The following GNB4 variants were observed in gnomAD, a reference collection of about 807,000 sequenced individuals.
The protein encoded by GNB4 is guanine nucleotide-binding protein subunit beta-4.
In GNB4, 28 loss-of-function variants were observed where a neutral mutation model predicts 45.2. The ratio of observed to expected loss-of-function variants is 0.62; its 90% CI spans 0.46 to 0.85. GNB4 has a LOEUF of 0.85. GNB4 is among the 40% of genes least tolerant of loss of function. The pLI, the probability that GNB4 is intolerant of heterozygous loss-of-function variation, is 0.00. For missense variants in GNB4, 321 were observed against 425.4 expected (o/e 0.75, Z 2.16); for synonymous variants, 132 against 143.7 (o/e 0.92, Z 0.58).
rs115147370 is a variant in GNB4 at position 179,423,812 on chromosome 3, G to C, written c.57+2332C>G. 6.5e-3 allele frequency among the ~76,000 whole-genome samples: 992 copies of C among 151,660 alleles called. 12 individuals carry two copies. The highest frequency in any genetic ancestry group is 0.023 in the African/African-American group (941 of 41,352). On this transcript the variant is annotated intron_variant, in intron 2 of 9. Coordinates refer to ENST00000232564, the MANE Select transcript of GNB4 (RefSeq NM_021629.4). ...AAAAAAAAAAAAAAGATAAATCCAA[G>C]TGGAGGGCTCTTGGAGGATTAGGAC...
chr3:179,489,570 G>A, the GNB4 span, among the ~76,000 whole-genome samples: 1 of 152,156 alleles, frequency 6.6e-6, no homozygotes, highest in African/African-American at 2.4e-5. Context: ...GAGCGCAGGA[G>A]TCTGAGGCTA....
chr3:179,397,243 C>CA lies in GNB4; in HGVS notation c.*3969dup, dbSNP rs1714145798. The stretch of plus-strand genomic sequence containing the variant: ...CAACTTAGATCTGAGACATTTACAT[C>CA]AAAGCATACTTCCCTGAACATGTTC... On this transcript the variant is annotated 3_prime_UTR_variant, in exon 10 of 10. Transcript: ENST00000232564. 1.3e-5 allele frequency: 2 copies of CA among 152,174 alleles called. No individual in the cohort carries two copies. The highest frequency in any genetic ancestry group is 1.3e-4 in the Admixed American group (2 of 15,274). The allele number at this position is 152,174 out of a possible 1,614,324, so 9.4% of individuals were successfully genotyped here.
chr3:179,472,885 C>T, the GNB4 span, among the ~76,000 whole-genome samples: 35 of 152,214 alleles, frequency 2.3e-4, no homozygotes, highest in African/African-American at 8.2e-4. Context: ...AAAAGTTGGC[C>T]GGGCGCGGTG....
the GNB4 span, chr3:179,464,441 A>G: frequency 6.4e-7 from 1 of 1,556,566 alleles, no homozygotes; most frequent in Non-Finnish European, 8.9e-7. Flanking sequence ...ACCTCACGGC[A>G]GTTACAGATG....
At chr3:179,445,884 T>TA (rs1299593991) in intron 1 of GNB4, among the ~76,000 whole-genome samples, 1 of 152,188 alleles carries the variant, frequency 6.6e-6, no homozygotes. Flanking sequence ...CTACACAGTA[T>TA]ATGAACAAAC....
the GNB4 span, among the ~76,000 whole-genome samples, chr3:179,479,849 C>T: frequency 0.026 from 3,935 of 152,278 alleles, 142 homozygotes; most frequent in African/African-American, 0.084. Context: ...ATTCTCAGGT[C>T]ATAGAATTAC....
At chr3:179,460,946 G>A in the GNB4 span, among the ~76,000 whole-genome samples, 2 of 152,240 alleles carry the variant, frequency 1.3e-5, no homozygotes, top group African/African-American at 2.4e-5. Context: ...GTTTAAATAC[G>A]AATGAAATCA....
chr3:179,487,504 C>T, the GNB4 span, among the ~76,000 whole-genome samples: 1 of 152,078 alleles, frequency 6.6e-6, no homozygotes, highest in African/African-American at 2.4e-5. Context: ...GACCCCCTCC[C>T]TTTTGCACTT....
rs372288483 is a variant in GNB4 at position 179,399,009 on chromosome 3, C to T, written c.*2204G>A. 3.9e-5 allele frequency: 6 copies of T among 152,220 alleles called. 2 individuals carry two copies. Among genetic ancestry groups the T allele is most frequent in the South Asian group, 2.1e-4 (1 of 4,818 alleles). The allele number at this position is 152,220 out of a possible 1,614,324, so 9.4% of individuals were successfully genotyped here. On this transcript the variant is annotated 3_prime_UTR_variant, in exon 10 of 10. Transcript: ENST00000232564. ...TAATAACTTTTAAGTAGAGGAGATA[C>T]TCTCTTACATATTTAAGGTTATTTT...
At chr3:179,494,973 TC>T in the GNB4 span, among the ~76,000 whole-genome samples, 15 of 141,882 alleles carry the variant, frequency 1.1e-4, no homozygotes, top group Non-Finnish European at 2.0e-4. Context: ...ACTTCCTAAA[TC>T]TTTGGAGAGA....
chr3:179,478,187 C>G, the GNB4 span, among the ~76,000 whole-genome samples: 1 of 152,136 alleles, frequency 6.6e-6, no homozygotes, highest in Non-Finnish European at 1.5e-5. Context: ...CAAACCAACT[C>G]TCATGATGGC....
the GNB4 span, among the ~76,000 whole-genome samples, chr3:179,522,434 T>C: frequency 1.3e-5 from 2 of 152,206 alleles, no homozygotes; most frequent in Admixed American, 6.5e-5. Flanking sequence ...AAAAGTTTTA[T>C]TGCTCACACA....
chr3:179,493,151 G>T, the GNB4 span, among the ~76,000 whole-genome samples: 2 of 152,014 alleles, frequency 1.3e-5, no homozygotes, highest in Non-Finnish European at 2.9e-5. Context: ...TCAATACAAG[G>T]CCTCAAGAAA....
chr3:179,516,980 T>G, the GNB4 span, among the ~76,000 whole-genome samples: 1 of 152,144 alleles, frequency 6.6e-6, no homozygotes, highest in Non-Finnish European at 1.5e-5. Context: ...GAGTTTTTAT[T>G]AAAGAGGCAT....
rs955229785 is a variant in GNB4 at position 179,426,194 on chromosome 3, C to T, written c.7G>A (p.Glu3Lys). Residue 3 changes from glutamate to lysine, a missense_variant, in exon 2 of 10, where the codon GAA (glutamate) becomes AAA (lysine). Transcript: ENST00000232564. The part of the protein sequence containing the change: MS[E>K]LEQLRQEAEQ... ...GCTTCTTGCCTCAACTGTTCCAGTT[C>T]GCTCATTTTTTCAATTTGTTTACCT... 1.9e-5 allele frequency: 31 copies of T among 1,597,144 alleles called. No homozygotes were observed. The highest frequency in any genetic ancestry group is 2.5e-5 in the Non-Finnish European group (29 of 1,175,994).
intron 4 of GNB4, among the ~76,000 whole-genome samples, chr3:179,418,126 T>C (rs965268171): frequency 6.6e-6 from 1 of 152,140 alleles, no homozygotes; most frequent in Admixed American, 6.5e-5. Context: ...AAAATTTTGC[T>C]TTATCAACAG....
chr3:179,414,967 G>A lies in GNB4; in HGVS notation c.348C>T (p.Gly116=). ...TATATATAGAGCAGATGTTGTCCAA[G>A]CCTCCACAGGCAACATAATTACCAG... ...APSGNYVACG[G]LDNICSIYNL... Residue 116 remains glycine, a synonymous_variant, in exon 6 of 10, where the codon GGC becomes GGT. Coordinates refer to ENST00000232564, the MANE Select transcript of GNB4 (RefSeq NM_021629.4). The A allele has an allele frequency of 6.2e-7, 1 of 1,612,540 alleles. No homozygotes were observed. The highest frequency in any genetic ancestry group is 1.1e-5 in the South Asian group (1 of 90,866).
At chr3:179,430,145 G>A (rs1211611936) in intron 1 of GNB4, among the ~76,000 whole-genome samples, 2 of 152,124 alleles carry the variant, frequency 1.3e-5, no homozygotes, top group Admixed American at 1.3e-4. Context: ...CCAGGCTGGA[G>A]TGCAGTGGTG....
At chr3:179,403,204 G>A (rs567428024) in intron 9 of GNB4, among the ~76,000 whole-genome samples, 2 of 152,094 alleles carry the variant, frequency 1.3e-5, no homozygotes, top group Admixed American at 1.3e-4. Flanking sequence ...CGTGCCCAGA[G>A]CTTCAAATGG....
Sources: gnomAD v4.1 joint callset for allele counts (sites outside exome capture counted in the v4.1 genomes callset) on GRCh38, gnomAD v4.1.1 for gene constraint, MANE v1.5 for transcripts, NCBI Gene and HGNC (gene_info 2026-07-23, HGNC 2026-07-21) for gene names.